Variants in SECISBP2L observed in about 807,000 individuals in gnomAD.
SECISBP2L encodes SECIS binding protein 2 like.
Under a neutral mutation model 114.7 loss-of-function variants are expected in SECISBP2L, and 43 were observed. The observed-to-expected ratio is 0.38, with a 90% confidence interval of 0.29 to 0.48. SECISBP2L has a LOEUF of 0.48. Among genes scored for constraint, SECISBP2L ranks in the 20% least tolerant of loss-of-function variants. The pLI is 0.98. For missense variants in SECISBP2L, 1,136 were observed against 1,301.1 expected (o/e 0.87, Z 1.95); for synonymous variants, 451 against 439.7 (o/e 1.03, Z -0.32).
intron 7 of SECISBP2L, among the ~76,000 whole-genome samples, chr15:49,019,950 C>A (rs1902608696): frequency 6.6e-6 from 1 of 152,066 alleles, no homozygotes; most frequent in African/African-American, 2.4e-5. Flanking sequence ...ACCAGAGAAC[C>A]ATGGAAGTGA....
At chr15:49,000,011 C>T (rs370601734) in intron 15 of SECISBP2L, 24 bp from the exon 16 acceptor site, 207 of 1,610,946 alleles carry the variant, frequency 1.3e-4, no homozygotes, top group African/African-American at 1.2e-3. Context: ...CACATGCAGA[C>T]GCCTTTAGTT....
At chr15:49,024,863 T>C (rs1388939205) in intron 7 of SECISBP2L, among the ~76,000 whole-genome samples, 3 of 152,184 alleles carry the variant, frequency 2.0e-5, no homozygotes, top group African/African-American at 7.2e-5. Flanking sequence ...GCAAATACAT[T>C]GTCAAACATG....
In SECISBP2L at chr15:49,046,403, C is replaced by CCCAACCCCCGGCTCG; in HGVS notation, c.-105_-104insCGAGCCGGGGGTTGG. ...GGGTCCAGACTGGGTTCCGGACCTC[C>CCCAACCCCCGGCTCG]GCCCCTATCTGGCTGGCCGCGACAC... On this transcript the variant is annotated 5_prime_UTR_variant, in exon 1 of 18. Transcript: ENST00000559471. 6.4e-6 allele frequency: 8 copies of CCCAACCCCCGGCTCG among 1,251,256 alleles called. No individual in the cohort carries two copies. Among genetic ancestry groups the CCCAACCCCCGGCTCG allele is most frequent in the Non-Finnish European group, 8.4e-6 (8 of 951,216 alleles). The allele number at this position is 1,251,256 out of a possible 1,614,324, so 77.5% of individuals were successfully genotyped here.
At chr15:48,994,510 C>A (rs1029865049) in intron 17 of SECISBP2L, among the ~76,000 whole-genome samples, 1 of 152,164 alleles carries the variant, frequency 6.6e-6, no homozygotes, top group Non-Finnish European at 1.5e-5. Context: ...TCTGACCCTG[C>A]GCCATAGGCC....
At chr15:49,014,011 T>C (rs1595787688) in intron 11 of SECISBP2L, among the ~76,000 whole-genome samples, 2 of 152,252 alleles carry the variant, frequency 1.3e-5, no homozygotes, top group East Asian at 3.9e-4. Flanking sequence ...ATCATTCCCC[T>C]TTCCTTCCCT....
chr15:49,028,348 T>C, intron 5 of SECISBP2L, 105 bp downstream of exon 5: 2 of 1,120,648 alleles, frequency 1.8e-6, no homozygotes, highest in Non-Finnish European at 2.6e-6. Context: ...ATCCTATTAC[T>C]ACAGGAATTG....
chr15:49,035,994 G>A (rs1902998077), intron 2 of SECISBP2L, among the ~76,000 whole-genome samples: 1 of 152,170 alleles, frequency 6.6e-6, no homozygotes, highest in African/African-American at 2.4e-5. Flanking sequence ...TACCAACAAT[G>A]GCAGTCCAAA....
chr15:49,023,519 T>C (rs2141076221), intron 7 of SECISBP2L, among the ~76,000 whole-genome samples: 1 of 152,368 alleles, frequency 6.6e-6, no homozygotes, highest in East Asian at 1.9e-4. Context: ...CAGATGAATT[T>C]ACCTTCTGAC....
chr15:49,040,792 C>T (rs1036198418), intron 1 of SECISBP2L, among the ~76,000 whole-genome samples: 7 of 151,746 alleles, frequency 4.6e-5, no homozygotes, highest in Non-Finnish European at 1.0e-4. Flanking sequence ...CCCGCCTCGG[C>T]CTCCCAAAGT....
intron 2 of SECISBP2L, 94 bp downstream of exon 2, chr15:49,037,497 A>T: frequency 2.8e-6 from 3 of 1,090,032 alleles, no homozygotes; most frequent in Non-Finnish European, 2.6e-6. Context: ...AGAAATGGTT[A>T]AAGTCTAAAA....
intron 7 of SECISBP2L, 125 bp from the exon 8 acceptor site, chr15:49,019,677 A>C: frequency 2.8e-6 from 2 of 725,002 alleles, no homozygotes; most frequent in African/African-American, 1.8e-5. Flanking sequence ...CACCAAGTGC[A>C]TCACTTATTT....
At chr15:49,028,800 G>T in intron 4 of SECISBP2L, 118 bp from the exon 5 acceptor site, 1 of 843,226 alleles carries the variant, frequency 1.2e-6, no homozygotes, top group Non-Finnish European at 1.8e-6. Flanking sequence ...GAAGAAATAG[G>T]TGACAACTTT....
intron 14 of SECISBP2L, among the ~76,000 whole-genome samples, chr15:49,006,630 A>T (rs1052173743): frequency 6.6e-6 from 1 of 152,050 alleles, no homozygotes; most frequent in African/African-American, 2.4e-5. Flanking sequence ...TAAACTGGTT[A>T]TTCTAGTTAG....
At chr15:49,003,493 G>A (rs931324736) in intron 14 of SECISBP2L, among the ~76,000 whole-genome samples, 20 of 152,218 alleles carry the variant, frequency 1.3e-4, no homozygotes, top group Admixed American at 7.2e-4. Flanking sequence ...GGAGCAGTGA[G>A]AGAGGGCATC....
chr15:49,017,786 C>G, intron 8 of SECISBP2L, 158 bp from the exon 9 acceptor site: 2 of 522,286 alleles, frequency 3.8e-6, no homozygotes, highest in Non-Finnish European at 6.6e-6. Flanking sequence ...TTCTCACATG[C>G]TAAAATATAA....
At position 49,035,342 on chromosome 15, in the gene SECISBP2L, C is replaced by G. The variant is rs202015242; in HGVS notation, c.520G>C (p.Val174Leu). Residue 174 changes from valine (V) to leucine (L), a missense_variant, in exon 3 of 18, where the codon GTC becomes CTC. This residue lies in a region of SECISBP2L where 452 missense variants were observed against 452.3 expected (regional missense o/e 1.00). Transcript: ENST00000559471. ...RSRNSNRGSV[V>L]PKQQLLQQHI... is the part of the protein sequence containing the mutation. Reference sequence around the variant, plus strand: ...CAAGACCAGACACTTACTTTTGGGACCACTGATCCTCTGTTACTGTTTCTG... The same window carrying G: ...CAAGACCAGACACTTACTTTTGGGAGCACTGATCCTCTGTTACTGTTTCTG... 2.5e-6 allele frequency: 4 copies of G among 1,613,028 alleles called. No homozygotes were observed.
chr15:48,992,473 C>T lies in SECISBP2L; in HGVS notation c.3077G>A (p.Arg1026Lys). The T allele has an allele frequency of 6.2e-7, 1 of 1,614,162 alleles. No individual in the cohort carries two copies. Among genetic ancestry groups the T allele is most frequent in the Non-Finnish European group, 8.5e-7 (1 of 1,180,026 alleles). The change falls in exon 18 of 18, where the codon AGA (arginine) becomes AAA (lysine). Residue 1026 changes from arginine to lysine, a missense_variant. This residue lies in a region of SECISBP2L where 684 missense variants were observed against 848.7 expected (regional missense o/e 0.81). Coordinates refer to ENST00000559471, the MANE Select transcript of SECISBP2L (RefSeq NM_001193489.2). ...RIESWVSETQ[R>K]TMETLQLGKT... ...TCCAAGCTGAAGGGTTTCCATAGTTCTCTGGGTCTCTGAGACCCAAGACTC... is the reference window on the plus strand; with the variant it reads ...TCCAAGCTGAAGGGTTTCCATAGTTTTCTGGGTCTCTGAGACCCAAGACTC...
chr15:48,992,647 C>T lies in SECISBP2L; in HGVS notation c.2903G>A (p.Cys968Tyr), dbSNP rs978211148. Residue 968 changes from cysteine to tyrosine, a missense_variant, in exon 18 of 18, where the codon TGC (cysteine) becomes TAC (tyrosine). This residue lies in a region of SECISBP2L where 684 missense variants were observed against 848.7 expected (regional missense o/e 0.81). Transcript: ENST00000559471. The part of the protein sequence containing the change: ...STETGSLDGS[C>Y]RDLLNSSITS... ...GATGGAGGAATTCAAAAGATCTCGG[C>T]AACTGCCATCCAAAGAGCCAGTCTC... 6.2e-7 allele frequency: 1 copy of T among 1,614,152 alleles called. No individual in the cohort carries two copies. Among genetic ancestry groups the T allele is most frequent in the Non-Finnish European group, 8.5e-7 (1 of 1,180,036 alleles).
At chr15:49,042,692 A>G (rs1311251326) in intron 1 of SECISBP2L, 2 of 152,306 alleles carry the variant, frequency 1.3e-5, no homozygotes, top group East Asian at 3.9e-4. Context: ...CATTTTTAAT[A>G]ACCTATCATA....
Sources: allele counts gnomAD v4.1 joint callset (sites outside exome capture counted in the v4.1 genomes callset), GRCh38; gene constraint gnomAD v4.1.1; regional missense constraint gnomAD v4.1.1; transcripts MANE v1.5; gene names NCBI Gene and HGNC (gene_info 2026-07-23, HGNC 2026-07-21).